The following TMPRSS4 variants were observed in gnomAD, a reference collection of about 807,000 sequenced individuals.
The protein encoded by TMPRSS4 is transmembrane serine protease 4, also known as transmembrane protease serine 4.
TMPRSS4 carries 45 observed loss-of-function variants against 56.4 expected under a neutral mutation model. The observed-to-expected ratio is 0.80, with a 90% CI of 0.63 to 1.02. The LOEUF (loss-of-function observed/expected upper bound fraction) is 1.02. Among genes scored for constraint, TMPRSS4 ranks in the 50% least tolerant of loss-of-function variants. The probability of loss-of-function intolerance (pLI) is 0.00; values close to 1 mark genes in which losing one functional copy is unlikely to be tolerated. For synonymous variants in TMPRSS4, 205 were observed against 211.0 expected (o/e 0.97, Z 0.25); for missense variants, 546 against 556.7 (o/e 0.98, Z 0.19).
intron 12 of TMPRSS4, 147 bp from the exon 13 acceptor site, chr11:118,117,755 G>T: frequency 6.5e-7 from 1 of 1,537,758 alleles, no homozygotes. Flanking sequence ...GGAAGAGAGT[G>T]GAAAGGCTCA....
intron 4 of TMPRSS4, 68 bp from the exon 5 acceptor site, chr11:118,104,623 A>G (rs748390016): frequency 1.3e-5 from 21 of 1,610,004 alleles, no homozygotes; most frequent in Middle Eastern, 3.3e-4. Context: ...TGGTCTCATG[A>G]TGAGTTCTGA....
In TMPRSS4 at chr11:118,121,033, A is replaced by G. The variant is rs2098390518; in HGVS notation, c.*3120A>G. 6.6e-6 allele frequency: 1 copy of G among 152,238 alleles called. No homozygotes were observed. The highest frequency in any genetic ancestry group is 1.5e-5 in the Non-Finnish European group (1 of 68,048). The allele number at this position is 152,238 out of a possible 1,614,324, so 9.4% of individuals were successfully genotyped here. On this transcript the variant is annotated 3_prime_UTR_variant, in exon 13 of 13. Transcript: ENST00000437212. ...CCCACAGTACCACAAATCTACCACA[A>G]TTAGACTGACAACAGGCTTTCCCAC...
intron 2 of TMPRSS4, among the ~76,000 whole-genome samples, chr11:118,095,689 G>A (rs933598940): frequency 5.3e-5 from 8 of 152,186 alleles, no homozygotes; most frequent in Non-Finnish European, 7.3e-5. Context: ...GGGAGTGAAC[G>A]TGACTATGCA....
intron 11 of TMPRSS4, among the ~76,000 whole-genome samples, chr11:118,116,723 T>C (rs936060487): frequency 2.7e-5 from 4 of 149,894 alleles, no homozygotes; most frequent in Non-Finnish European, 5.9e-5. Flanking sequence ...GGCTTTTTTT[T>C]TTTTTTTTGA....
intron 1 of TMPRSS4, among the ~76,000 whole-genome samples, chr11:118,078,327 G>A (rs1224548482): frequency 6.6e-6 from 1 of 152,158 alleles, no homozygotes; most frequent in Non-Finnish European, 1.5e-5. Flanking sequence ...AGCCACCAAA[G>A]TGAAAGGGAA....
At chr11:118,123,854 A>G (rs1947842937), downstream of TMPRSS4, among the ~76,000 whole-genome samples, 1 of 152,188 alleles carries the variant, frequency 6.6e-6, no homozygotes, top group Admixed American at 6.5e-5. Flanking sequence ...AGGCATAACA[A>G]TCAAATGTAA....
chr11:118,109,065 C>A (rs547690176), intron 7 of TMPRSS4, among the ~76,000 whole-genome samples, 169 bp downstream of exon 7: 10 of 152,324 alleles, frequency 6.6e-5, no homozygotes, highest in Admixed American at 6.5e-4. Context: ...TGGCCTTGGG[C>A]AGGTCACATT....
chr11:118,110,306 C>T (rs766937852), intron 7 of TMPRSS4, among the ~76,000 whole-genome samples: 4 of 151,856 alleles, frequency 2.6e-5, no homozygotes, highest in Admixed American at 6.6e-5. Flanking sequence ...ACAATTTTTC[C>T]GCAAACCAAG....
chr11:118,114,730 G>T, intron 9 of TMPRSS4, 99 bp from the exon 10 acceptor site: 1 of 1,304,994 alleles, frequency 7.7e-7, no homozygotes, highest in South Asian at 1.3e-5. Flanking sequence ...GTCTCTCCCA[G>T]ACCAGCAAGA....
intron 3 of TMPRSS4, among the ~76,000 whole-genome samples, chr11:118,101,469 T>C (rs918130808): frequency 1.3e-5 from 2 of 152,030 alleles, no homozygotes; most frequent in African/African-American, 4.8e-5. Context: ...AAAGTTTGTT[T>C]GTATGTCTGT....
Position 118,111,701 on chromosome 11 carries a change from C to G in TMPRSS4, c.584-40C>G, listed in dbSNP as rs536166283. 1.1e-5 allele frequency: 16 copies of G among 1,515,202 alleles called. No individual in the cohort carries two copies. In the African/African-American group the frequency reaches 1.4e-4, roughly 13 times the overall value. 93.9% of individuals were successfully genotyped at this position (1,515,202 alleles called of 1,614,324 possible). A position where few individuals can be genotyped will look rare whatever the true frequency, so the allele number is the denominator to read the frequency against. On this transcript the variant is annotated intron_variant, in intron 7 of 12. Coordinates refer to ENST00000437212, the MANE Select transcript of TMPRSS4 (RefSeq NM_019894.4). ...GTGGAGGCAGCCTCATCCCCAACAG[C>G]CTGACTTCCTGCCTCCTCCCTGCCT...
Position 118,103,092 on chromosome 11 carries a change from G to A in TMPRSS4, c.158-9G>A, listed in dbSNP as rs774386402. ...GCCCTCTCTGCCTCTCCCTGCACTT[G>A]CCTTCCAGTCAAGGTGATTCTGGAT... On this transcript the variant is annotated splice_polypyrimidine_tract_variant and intron_variant, in intron 3 of 12. Coordinates refer to ENST00000437212, the MANE Select transcript of TMPRSS4 (RefSeq NM_019894.4). 4 of 1,613,848 alleles carry A rather than the reference G, an allele frequency of 2.5e-6. No individual in the cohort carries two copies. The highest frequency in any genetic ancestry group is 2.5e-6 in the Non-Finnish European group (3 of 1,179,948).
At chr11:118,115,038 C>T (rs1425428154) in intron 10 of TMPRSS4, 100 bp from the exon 11 acceptor site, 2 of 1,550,820 alleles carry the variant, frequency 1.3e-6, no homozygotes. Context: ...TCCTGGAGGA[C>T]CAAGCACCAA....
At chr11:118,105,471 AAAGT>A (rs1311031234) in intron 5 of TMPRSS4, 11 of 152,142 alleles carry the variant, frequency 7.2e-5, no homozygotes, top group Admixed American at 6.5e-5. Flanking sequence ...AGGCTCAAAC[AAAGT>A]AAGTAACTTG....
intron 1 of TMPRSS4, among the ~76,000 whole-genome samples, chr11:118,089,900 G>A (rs910284301): frequency 2.6e-5 from 4 of 152,122 alleles, no homozygotes; most frequent in Non-Finnish European, 4.4e-5. Flanking sequence ...AGGCTGGAGT[G>A]CTGTGGCACC....
intron 1 of TMPRSS4, among the ~76,000 whole-genome samples, chr11:118,093,852 A>G (rs1181781714): frequency 6.8e-6 from 1 of 147,376 alleles, no homozygotes; most frequent in Non-Finnish European, 1.5e-5. Context: ...TCTGACTTCT[A>G]TCACTATAGA....
In TMPRSS4 at chr11:118,086,785, T is replaced by C. The variant is rs571535225; in HGVS notation, c.4-8031T>C. 1.1e-3 allele frequency: 169 copies of C among 152,846 alleles called. 3 individuals are homozygous for C. The highest frequency in any genetic ancestry group is 9.6e-4 in the East Asian group (5 of 5,188). The allele number at this position is 152,846 out of a possible 1,614,324, so 9.5% of individuals were successfully genotyped here. A position where few individuals can be genotyped will look rare whatever the true frequency, so the allele number is the denominator to read the frequency against. Reference sequence around the variant, plus strand: ...CTGAGACATCCAAGAGAGAGAGCCCTGTTGCCAGCGCAGCAAAGGCATCAA... The same window carrying C: ...CTGAGACATCCAAGAGAGAGAGCCCCGTTGCCAGCGCAGCAAAGGCATCAA... On this transcript the variant is annotated intron_variant, in intron 1 of 12. Coordinates refer to ENST00000437212, the MANE Select transcript of TMPRSS4 (RefSeq NM_019894.4).
At chr11:118,098,666 G>A (rs757817599) in intron 2 of TMPRSS4, among the ~76,000 whole-genome samples, 13 of 152,180 alleles carry the variant, frequency 8.5e-5, no homozygotes, top group Admixed American at 5.2e-4. Context: ...GGCCTCTCTC[G>A]GGCAGGCGAG....
Position 118,115,221 on chromosome 11 carries a change from G to A in TMPRSS4, c.1093G>A (p.Glu365Lys), listed in dbSNP as rs1242174080. 2 of 1,612,866 alleles carry A rather than the reference G, an allele frequency of 1.2e-6. No homozygotes were observed. Among genetic ancestry groups the A allele is most frequent in the East Asian group, 2.2e-5 (1 of 44,894 alleles). ...RCNADDAYQG[E>K]VTEKMMCAGI... ...CAATGCAGACGATGCGTACCAGGGG[G>A]AAGTCACCGAGAAGATGATGTGTGC... The change falls in exon 11 of 13, where the codon GAA (glutamate) becomes AAA (lysine). Residue 365 changes from glutamate (E) to lysine (K), a missense_variant. By Grantham distance (56) the Glu-to-Lys change is moderately conservative. Transcript: ENST00000437212.
Sources: allele counts gnomAD v4.1 joint callset (sites outside exome capture counted in the v4.1 genomes callset), GRCh38; gene constraint gnomAD v4.1.1; transcripts MANE v1.5; gene names NCBI Gene and HGNC (gene_info 2026-07-23, HGNC 2026-07-21).